PDE8A: variants seen among roughly 807,000 people sequenced by gnomAD.
The protein encoded by PDE8A is high affinity cAMP-specific and IBMX-insensitive 3',5'-cyclic phosphodiesterase 8A.
Under a neutral mutation model 105.0 loss-of-function variants are expected in PDE8A, and 59 were observed. The ratio of observed to expected loss-of-function variants is 0.56; its 90% CI spans 0.46 to 0.70. PDE8A has a LOEUF of 0.70. Ranked by LOEUF, PDE8A falls within the 30% of genes least tolerant of loss-of-function variation. PDE8A has a pLI of 0.00. For synonymous variants in PDE8A, 355 were observed against 371.9 expected, an observed-to-expected ratio of 0.95 and a Z score of 0.52; for missense variants, 1,014 against 1,045.9, an observed-to-expected ratio of 0.97 and a Z score of 0.42.
intron 1 of PDE8A, among the ~76,000 whole-genome samples, chr15:84,984,406 T>C (rs781534910): frequency 9.2e-5 from 14 of 152,244 alleles, no homozygotes; most frequent in Non-Finnish European, 1.0e-4. Flanking sequence ...AAATTCATGT[T>C]AGAGAAGGCA....
chr15:85,070,238 G>A (rs2081291228), intron 3 of PDE8A, among the ~76,000 whole-genome samples: 1 of 152,130 alleles, frequency 6.6e-6, no homozygotes, highest in South Asian at 2.1e-4. Context: ...GGGGGCATTT[G>A]GAACTCCTTA....
At chr15:85,126,006 C>G (rs2082252699) in intron 19 of PDE8A, among the ~76,000 whole-genome samples, 1 of 152,104 alleles carries the variant, frequency 6.6e-6, no homozygotes, top group Non-Finnish European at 1.5e-5. Flanking sequence ...GGTCCTGTTG[C>G]AATCTCACTG....
At chr15:85,083,156 G>A (rs2081493930) in intron 5 of PDE8A, among the ~76,000 whole-genome samples, 5 of 152,208 alleles carry the variant, frequency 3.3e-5, no homozygotes, top group Admixed American at 1.3e-4. Context: ...TGACTTTAAA[G>A]CGGACCAAAT....
intron 8 of PDE8A, chr15:85,097,721 T>C (rs574901869): frequency 4.2e-6 from 2 of 474,596 alleles, no homozygotes; most frequent in East Asian, 4.0e-5. Context: ...ACTGAAAATA[T>C]ATGACCACTT....
At chr15:85,017,133 C>T (rs972778117) in intron 1 of PDE8A, among the ~76,000 whole-genome samples, 4 of 151,344 alleles carry the variant, frequency 2.6e-5, no homozygotes, top group African/African-American at 4.9e-5. Flanking sequence ...CGGTGGCGGG[C>T]GCCTGTAGTC....
chr15:85,070,500 T>C (rs1474916328), intron 3 of PDE8A, among the ~76,000 whole-genome samples: 1 of 152,122 alleles, frequency 6.6e-6, no homozygotes, highest in African/African-American at 2.4e-5. Context: ...GTGTTGTGGG[T>C]GCCTGTGTCA....
Position 85,020,589 on chromosome 15 carries a change from G to A in PDE8A, c.186+38241G>A, listed in dbSNP as rs184321419. 1.6e-4 allele frequency among the ~76,000 whole-genome samples: 25 copies of A among 152,268 alleles called. No homozygotes were observed. The East Asian group carries it at 4.8e-3, about 29-fold the overall frequency. On this transcript the variant is annotated intron_variant, in intron 1 of 21. Coordinates refer to ENST00000394553, the MANE Select transcript of PDE8A (RefSeq NM_002605.3). ...ACTGCACTCTAGCCTGAGCGAGACT[G>A]TGTCTCAAAACAAACAAACAAAACA...
At chr15:85,046,146 C>G (rs1596470008) in intron 1 of PDE8A, among the ~76,000 whole-genome samples, 1 of 148,512 alleles carries the variant, frequency 6.7e-6, no homozygotes. Flanking sequence ...CAGCTCAGTG[C>G]AATCTCTGCC....
At chr15:85,092,627 G>C (rs754544251) in intron 8 of PDE8A, among the ~76,000 whole-genome samples, 3 of 152,106 alleles carry the variant, frequency 2.0e-5, no homozygotes, top group Non-Finnish European at 4.4e-5. Context: ...GTTCAACTGG[G>C]TATGAACCAG....
chr15:84,995,187 A>T (rs2079955190), intron 1 of PDE8A, among the ~76,000 whole-genome samples: 2 of 152,190 alleles, frequency 1.3e-5, no homozygotes, highest in Admixed American at 6.5e-5. Context: ...CATTATTTTC[A>T]TTCCAGAAAG....
chr15:85,076,745 A>G lies in PDE8A; in HGVS notation c.504A>G (p.Glu168=). ...IVGVVRRVDR[E]ELSVMPFISA... ...TGTTATTTTGAAGGGTGGATAGAGA[A>G]GAGTTGTCCGTAATGCCTTTCATTT... is the stretch of plus-strand genomic sequence containing the variant. Residue 168 remains glutamate (E), a synonymous_variant, in exon 5 of 22, where the codon GAA becomes GAG. Transcript: ENST00000394553. 1 of 1,596,342 alleles carries G rather than the reference A, an allele frequency of 6.3e-7. No homozygotes were observed. The highest frequency in any genetic ancestry group is 1.1e-5 in the South Asian group (1 of 90,732).
At chr15:85,003,497 C>T (rs1479545199) in intron 1 of PDE8A, among the ~76,000 whole-genome samples, 1 of 152,154 alleles carries the variant, frequency 6.6e-6, no homozygotes, top group African/African-American at 2.4e-5. Flanking sequence ...GGGGAGCGCC[C>T]CTCAGAGGAG....
intron 11 of PDE8A, among the ~76,000 whole-genome samples, chr15:85,105,689 G>A (rs991615203): frequency 6.6e-6 from 1 of 152,226 alleles, no homozygotes; most frequent in Non-Finnish European, 1.5e-5. Context: ...GCCAAGAGCA[G>A]AGACATGAAG....
At chr15:85,057,778 G>A (rs1226933566) in intron 1 of PDE8A, among the ~76,000 whole-genome samples, 3 of 152,120 alleles carry the variant, frequency 2.0e-5, no homozygotes, top group Non-Finnish European at 4.4e-5. Context: ...TGCCTTTTCT[G>A]CATTATTTGA....
At chr15:85,081,102 G>T (rs2081458824) in intron 5 of PDE8A, among the ~76,000 whole-genome samples, 2 of 152,214 alleles carry the variant, frequency 1.3e-5, no homozygotes, top group South Asian at 4.1e-4. Context: ...CCTGGAGGAA[G>T]GGGATTCTCC....
At chr15:85,095,877 T>TA (rs538799696) in intron 8 of PDE8A, among the ~76,000 whole-genome samples, 69 of 148,746 alleles carry the variant, frequency 4.6e-4, no homozygotes, top group African/African-American at 1.5e-3. Flanking sequence ...TATATATATT[T>TA]TTTTTATATA....
intron 16 of PDE8A, 102 bp downstream of exon 16, chr15:85,116,221 T>A: frequency 5.6e-6 from 7 of 1,254,404 alleles, no homozygotes; most frequent in Non-Finnish European, 7.8e-6. Flanking sequence ...TGGTACCTGG[T>A]CAGGGTGGGG....
intron 1 of PDE8A, among the ~76,000 whole-genome samples, chr15:85,023,611 TA>T (rs35060961): frequency 0.69 from 104,456 of 151,700 alleles, 36,409 homozygotes; most frequent in Non-Finnish European, 0.75. Flanking sequence ...TCAAGATTGC[TA>T]GCAGCATAGG....
chr15:85,052,091 C>T (rs1038650031), intron 1 of PDE8A, among the ~76,000 whole-genome samples: 1 of 151,962 alleles, frequency 6.6e-6, no homozygotes, highest in Non-Finnish European at 1.5e-5. Flanking sequence ...TCTGTCCTTG[C>T]AATAGTTTGC....
Sources: gnomAD v4.1 joint callset for allele counts (sites outside exome capture counted in the v4.1 genomes callset) on GRCh38, gnomAD v4.1.1 for gene constraint, MANE v1.5 for transcripts, NCBI Gene and HGNC (gene_info 2026-07-23, HGNC 2026-07-21) for gene names.